The following CALN1 variants were observed in gnomAD, a reference collection of about 807,000 sequenced individuals.
CALN1 encodes the protein calneuron 1.
CALN1 carries 17 observed loss-of-function variants against 30.6 expected under a neutral mutation model. The ratio of observed to expected loss-of-function variants is 0.56; its 90% CI spans 0.38 to 0.83. CALN1 has a LOEUF of 0.83. CALN1 is among the 40% of genes least tolerant of loss of function. The pLI is 0.00. For missense variants in CALN1, 291 were observed against 354.9 expected (o/e 0.82, Z 1.45); for synonymous variants, 156 against 131.4 (o/e 1.19, Z -1.28).
chr7:72,195,406 C>G (rs1234728071), intron 3 of CALN1, among the ~76,000 whole-genome samples: 1 of 152,152 alleles, frequency 6.6e-6, no homozygotes, highest in Non-Finnish European at 1.5e-5. Flanking sequence ...GAGACTAGAT[C>G]TTGCTCTGCC....
intron 3 of CALN1, among the ~76,000 whole-genome samples, chr7:72,256,104 A>G (rs1203090495): frequency 6.6e-6 from 1 of 152,222 alleles, no homozygotes; most frequent in East Asian, 1.9e-4. Context: ...TGGGGACATT[A>G]TTAGTGTCCT....
chr7:72,162,115 T>C (rs1047792179), intron 3 of CALN1, among the ~76,000 whole-genome samples: 3 of 151,880 alleles, frequency 2.0e-5, no homozygotes, highest in Non-Finnish European at 4.4e-5. Context: ...ACTGATATTA[T>C]AGCACAGAAA....
intron 3 of CALN1, among the ~76,000 whole-genome samples, chr7:72,190,094 G>A (rs778238373): frequency 3.3e-5 from 5 of 152,206 alleles, no homozygotes; most frequent in Non-Finnish European, 5.9e-5. Flanking sequence ...AGTGGTTCAT[G>A]CCTGTAATCC....
chr7:71,785,339 CT>C lies in CALN1; in HGVS notation c.*2435del. On this transcript the variant is annotated 3_prime_UTR_variant, in exon 7 of 7. Coordinates refer to ENST00000395275, the MANE Select transcript of CALN1 (RefSeq NM_031468.4). ...GGATGGCGGCGCCTCTCCAGAACTC[CT>C]TTTCCTCCCTACTCCTGCACAGTGG... The C allele has an allele frequency of 1.3e-5, 2 of 153,572 alleles. No homozygotes were observed. Among genetic ancestry groups the C allele is most frequent in the Non-Finnish European group, 2.9e-5 (2 of 68,908 alleles). 9.5% of individuals were successfully genotyped at this position (153,572 alleles called of 1,614,324 possible).
intron 1 of CALN1, among the ~76,000 whole-genome samples, chr7:72,430,117 C>T (rs970956289): frequency 6.7e-6 from 1 of 150,298 alleles, no homozygotes; most frequent in Non-Finnish European, 1.5e-5. Flanking sequence ...CACCGCCCGG[C>T]CTGTAATTAT....
chr7:72,205,179 GTTTT>G (rs944747707), intron 3 of CALN1, among the ~76,000 whole-genome samples: 3 of 151,218 alleles, frequency 2.0e-5, no homozygotes, highest in Non-Finnish European at 2.9e-5. Context: ...TCTTTCCTCA[GTTTT>G]TTTGTTTTTA....
upstream of CALN1, among the ~76,000 whole-genome samples, chr7:72,450,992 C>T (rs1397014276): frequency 2.0e-5 from 3 of 152,046 alleles, no homozygotes; most frequent in Non-Finnish European, 2.9e-5. Flanking sequence ...CCATGACGGC[C>T]TTGTGGAAGC....
chr7:72,483,321 G>GT, the CALN1 span, among the ~76,000 whole-genome samples: 1 of 112,310 alleles, frequency 8.9e-6, no homozygotes, highest in African/African-American at 3.4e-5. Context: ...GGCTTGCTCT[G>GT]TTGCCGAAGC....
intron 3 of CALN1, among the ~76,000 whole-genome samples, chr7:72,237,687 C>A (rs1458252682): frequency 1.3e-5 from 2 of 152,144 alleles, no homozygotes; most frequent in Non-Finnish European, 2.9e-5. Context: ...CTTACTGAGT[C>A]CTCCCTCTCT....
chr7:72,368,355 C>T (rs2129560173), intron 2 of CALN1, among the ~76,000 whole-genome samples: 1 of 151,508 alleles, frequency 6.6e-6, no homozygotes, highest in South Asian at 2.1e-4. Context: ...ACACAAAGGG[C>T]ATACATGCAC....
chr7:72,346,810 C>T (rs945061561), intron 2 of CALN1, among the ~76,000 whole-genome samples: 20 of 152,030 alleles, frequency 1.3e-4, no homozygotes, highest in African/African-American at 3.9e-4. Flanking sequence ...CTGCAGCGCC[C>T]GGCCAAAATT....
chr7:72,088,715 A>C (rs1273883836), intron 4 of CALN1, among the ~76,000 whole-genome samples: 1 of 150,664 alleles, frequency 6.6e-6, no homozygotes. Context: ...AAAAAAAAAA[A>C]AAAGAAAGAA....
chr7:72,181,698 A>C (rs1256630528), intron 3 of CALN1, among the ~76,000 whole-genome samples: 1 of 152,120 alleles, frequency 6.6e-6, no homozygotes, highest in Non-Finnish European at 1.5e-5. Context: ...GCTGGTCTCG[A>C]ACTCCTGACC....
chr7:72,335,990 G>C (rs912299218), intron 2 of CALN1, among the ~76,000 whole-genome samples: 6 of 152,342 alleles, frequency 3.9e-5, no homozygotes, highest in Admixed American at 2.6e-4. Flanking sequence ...AACCCAGACT[G>C]TCCGGGGAAG....
intron 2 of CALN1, among the ~76,000 whole-genome samples, chr7:72,308,078 C>T (rs1022188001): frequency 1.3e-5 from 2 of 152,064 alleles, no homozygotes; most frequent in African/African-American, 4.8e-5. Context: ...AATCCACAAA[C>T]TAGGGCTGGG....
the CALN1 span, among the ~76,000 whole-genome samples, chr7:72,481,114 G>A: frequency 0.011 from 1,717 of 152,222 alleles, 41 homozygotes; most frequent in African/African-American, 0.039. Context: ...CACCAGGCAC[G>A]GCTAATTTTT....
the CALN1 span, among the ~76,000 whole-genome samples, chr7:72,484,151 A>T: frequency 1.3e-5 from 2 of 152,158 alleles, no homozygotes; most frequent in East Asian, 3.9e-4. Flanking sequence ...TCTTCTCATT[A>T]TGGGTCATAT....
intron 5 of CALN1, among the ~76,000 whole-genome samples, chr7:71,979,666 G>A (rs78750817): frequency 0.16 from 24,621 of 149,776 alleles, 2,501 homozygotes; most frequent in Non-Finnish European, 0.24. Flanking sequence ...CTCCACGGCC[G>A]GGGGGTTGGG....
chr7:72,028,142 G>A (rs927546934), intron 4 of CALN1, among the ~76,000 whole-genome samples: 8 of 151,170 alleles, frequency 5.3e-5, no homozygotes, highest in African/African-American at 1.7e-4. Context: ...GTGATATAAT[G>A]GGCACCATTC....
Sources: gnomAD v4.1 joint callset for allele counts (sites outside exome capture counted in the v4.1 genomes callset) on GRCh38, gnomAD v4.1.1 for gene constraint, MANE v1.5 for transcripts, NCBI Gene and HGNC (gene_info 2026-07-23, HGNC 2026-07-21) for gene names.